TMEM132E: variants seen among roughly 807,000 people sequenced by gnomAD.
The protein encoded by TMEM132E is transmembrane protein 132E.
A neutral mutation model predicts 78.5 loss-of-function variants in TMEM132E; 49 were observed. That is an observed-to-expected ratio of 0.62 (90% confidence interval 0.50 to 0.79). The LOEUF is 0.79. Ranked by LOEUF, TMEM132E falls within the 30% of genes least tolerant of loss-of-function variation. The pLI is 0.00. For synonymous variants in TMEM132E, 715 were observed against 670.6 expected (o/e 1.07, Z -1.02); for missense variants, 1,403 against 1,470.9 (o/e 0.95, Z 0.75).
chr17:34,581,514 G>C (rs572995323), intron 1 of TMEM132E, among the ~76,000 whole-genome samples: 1 of 152,136 alleles, frequency 6.6e-6, no homozygotes, highest in South Asian at 2.1e-4. Context: ...GCAGCCGGCC[G>C]GGCTGGGGGC....
intron 1 of TMEM132E, among the ~76,000 whole-genome samples, chr17:34,593,691 G>T (rs1905958547): frequency 6.6e-6 from 1 of 152,340 alleles, no homozygotes; most frequent in South Asian, 2.1e-4. Flanking sequence ...TCTAGGGCCG[G>T]GGTAGGCAGC....
intron 5 of TMEM132E, among the ~76,000 whole-genome samples, chr17:34,631,979 T>A (rs1314429061): frequency 6.6e-6 from 1 of 152,188 alleles, no homozygotes; most frequent in Non-Finnish European, 1.5e-5. Context: ...GAAGATGTAC[T>A]CAGCAGGCAT....
intron 1 of TMEM132E, among the ~76,000 whole-genome samples, chr17:34,617,101 A>T (rs1230573290): frequency 6.6e-6 from 1 of 152,234 alleles, no homozygotes; most frequent in African/African-American, 2.4e-5. Flanking sequence ...TCCTTCGGCC[A>T]GCTGACTGCT....
intron 1 of TMEM132E, among the ~76,000 whole-genome samples, chr17:34,600,660 A>C: frequency 6.6e-6 from 1 of 152,064 alleles, no homozygotes; most frequent in East Asian, 1.9e-4. Flanking sequence ...GGAGAAGCCA[A>C]AGAAGGCTGA....
rs79907998 is a variant in TMEM132E at position 34,596,334 on chromosome 17, G to A, written c.67+15191G>A. Among the ~76,000 whole-genome samples, 15 of 152,304 alleles carry A rather than the reference G, an allele frequency of 9.8e-5. No homozygotes were observed. The East Asian group carries it at 2.7e-3, about 27-fold the overall frequency. On this transcript the variant is annotated intron_variant, in intron 1 of 8. Coordinates refer to ENST00000631683, the MANE Select transcript of TMEM132E (RefSeq NM_001304438.2). Reference sequence around the variant, plus strand: ...CAATCATGATTCCCATTATGTGGATGCGGAAACTGAGGCTTAGAGTATGGA... The same window carrying A: ...CAATCATGATTCCCATTATGTGGATACGGAAACTGAGGCTTAGAGTATGGA...
chr17:34,606,713 C>T (rs1009083593), intron 1 of TMEM132E, among the ~76,000 whole-genome samples: 3 of 152,178 alleles, frequency 2.0e-5, no homozygotes, highest in Non-Finnish European at 4.4e-5. Context: ...CTGGGCCACC[C>T]GGGGCTGGGG....
At chr17:34,629,893 G>A in intron 4 of TMEM132E, 115 bp from the exon 5 acceptor site, 1 of 1,225,134 alleles carries the variant, frequency 8.2e-7, no homozygotes, top group Non-Finnish European at 1.1e-6. Flanking sequence ...GTCCCCACTG[G>A]AAGGATGTGC....
At chr17:34,631,534 G>A (rs1270160711) in intron 5 of TMEM132E, among the ~76,000 whole-genome samples, 6 of 152,160 alleles carry the variant, frequency 3.9e-5, no homozygotes, top group East Asian at 3.9e-4. Flanking sequence ...AGGTCTTTAC[G>A]GAGTTTGCCA....
At position 34,627,063 on chromosome 17, in the gene TMEM132E, A is replaced by G; in HGVS notation, c.998+6A>G. 7.2e-7 allele frequency: 1 copy of G among 1,389,846 alleles called. No homozygotes were observed. The highest frequency in any genetic ancestry group is 9.6e-7 in the Non-Finnish European group (1 of 1,037,234). 86.1% of individuals were successfully genotyped at this position (1,389,846 alleles called of 1,614,324 possible). A position where few individuals can be genotyped will look rare whatever the true frequency, so the allele number is the denominator to read the frequency against. ...GTGGAGCACTTCACACTCAGGTAGT[A>G]GGGAAGATGGGTGGGGATCTGGTTT... On this transcript the variant is annotated splice_donor_region_variant and intron_variant, in intron 2 of 8. Coordinates refer to ENST00000631683, the MANE Select transcript of TMEM132E (RefSeq NM_001304438.2).
At chr17:34,629,903 C>A in intron 4 of TMEM132E, 105 bp from the exon 5 acceptor site, 1 of 1,260,868 alleles carries the variant, frequency 7.9e-7, no homozygotes, top group Non-Finnish European at 1.0e-6. Context: ...GAAGGATGTG[C>A]ATCTGAGGAG....
chr17:34,592,713 A>C (rs1905917059), intron 1 of TMEM132E, among the ~76,000 whole-genome samples: 2 of 152,226 alleles, frequency 1.3e-5, no homozygotes, highest in African/African-American at 4.8e-5. Flanking sequence ...TCCGCCTGAC[A>C]CTGTCAGTGC....
intron 5 of TMEM132E, among the ~76,000 whole-genome samples, chr17:34,630,756 A>C (rs1907324751): frequency 6.6e-6 from 1 of 152,034 alleles, no homozygotes; most frequent in Non-Finnish European, 1.5e-5. Context: ...TCCAACTCCT[A>C]AAGGCTCCTG....
At chr17:34,583,904 T>G (rs970138936) in intron 1 of TMEM132E, among the ~76,000 whole-genome samples, 13 of 152,294 alleles carry the variant, frequency 8.5e-5, no homozygotes, top group Admixed American at 2.6e-4. Context: ...CAGAGTGGTG[T>G]GTTTGGGCAC....
chr17:34,594,013 C>T (rs1341400784), intron 1 of TMEM132E, among the ~76,000 whole-genome samples: 1 of 152,172 alleles, frequency 6.6e-6, no homozygotes, highest in Non-Finnish European at 1.5e-5. Flanking sequence ...CGCCTCTTAC[C>T]TCCTACCTCT....
intron 1 of TMEM132E, among the ~76,000 whole-genome samples, chr17:34,585,016 C>A (rs983506528): frequency 9.2e-5 from 14 of 152,350 alleles, no homozygotes; most frequent in African/African-American, 3.1e-4. Context: ...AGGAGGAACA[C>A]AGCAGGACAG....
At chr17:34,625,857 C>G (rs1907099378) in intron 1 of TMEM132E, among the ~76,000 whole-genome samples, 1 of 152,234 alleles carries the variant, frequency 6.6e-6, no homozygotes, top group African/African-American at 2.4e-5. Flanking sequence ...ACGGTATTAT[C>G]TTTACCCCTA....
intron 4 of TMEM132E, 48 bp from the exon 5 acceptor site, chr17:34,629,960 G>T: frequency 6.4e-7 from 1 of 1,562,422 alleles, no homozygotes; most frequent in Middle Eastern, 1.9e-4. Context: ...GTGTGTCCCA[G>T]GACAGAAGGG....
chr17:34,635,374 A>T (rs907958923), intron 7 of TMEM132E, among the ~76,000 whole-genome samples: 1 of 152,164 alleles, frequency 6.6e-6, no homozygotes, highest in Admixed American at 6.5e-5. Context: ...GAGTCCAGGA[A>T]GGTGCATTTG....
chr17:34,635,870 C>G, intron 7 of TMEM132E, 137 bp from the exon 8 acceptor site: 1 of 845,286 alleles, frequency 1.2e-6, no homozygotes, highest in Non-Finnish European at 1.6e-6. Context: ...GGCAGAGCTG[C>G]GAAGTCCTGC....
Sources: allele counts gnomAD v4.1 joint callset (sites outside exome capture counted in the v4.1 genomes callset), GRCh38; gene constraint gnomAD v4.1.1; transcripts MANE v1.5; gene names NCBI Gene and HGNC (gene_info 2026-07-23, HGNC 2026-07-21).